Variants in GRID2 observed in about 807,000 individuals in gnomAD.
GRID2 encodes glutamate ionotropic receptor delta type subunit 2, also known as glutamate receptor ionotropic, delta-2.
Under a neutral mutation model 114.8 loss-of-function variants are expected in GRID2, and 33 were observed. The observed-to-expected ratio is 0.29, with a 90% CI of 0.22 to 0.38. The LOEUF (loss-of-function observed/expected upper bound fraction) is 0.38, where lower values mean the gene tolerates loss of function less well. Among genes scored for constraint, GRID2 ranks in the 10% least tolerant of loss-of-function variants. The pLI, the probability that GRID2 is intolerant of heterozygous loss-of-function variation, is 1.00. For missense variants in GRID2, 1,184 were observed against 1,257.7 expected (o/e 0.94, Z 0.89); for synonymous variants, 505 against 449.9 (o/e 1.12, Z -1.55).
In GRID2 at chr4:93,383,881, T is replaced by A. The variant is rs115977367; in HGVS notation, c.1246-11726T>A. Among the ~76,000 whole-genome samples the A allele has an allele frequency of 8.0e-3, 1,215 of 152,252 alleles. 12 individuals carry two copies. Among genetic ancestry groups the A allele is most frequent in the African/African-American group, 0.028 (1,170 of 41,550 alleles). On this transcript the variant is annotated intron_variant, in intron 8 of 15. Coordinates refer to ENST00000282020, the MANE Select transcript of GRID2 (RefSeq NM_001510.4). ...ATTCATGCCACCAAATCATATGTCA[T>A]CACTTCTGCCACATTTTACTGGAGA... is the stretch of plus-strand genomic sequence containing the variant.
At chr4:92,967,343 C>T (rs896587057) in intron 2 of GRID2, among the ~76,000 whole-genome samples, 4 of 151,936 alleles carry the variant, frequency 2.6e-5, no homozygotes, top group African/African-American at 7.2e-5. Context: ...AAACACACTC[C>T]GATGCTTCAC....
chr4:93,693,117 A>G (rs1726711034), intron 14 of GRID2, among the ~76,000 whole-genome samples: 1 of 152,164 alleles, frequency 6.6e-6, no homozygotes, highest in Non-Finnish European at 1.5e-5. Context: ...TCTTTTATCT[A>G]TTTGCTAAAG....
rs573060170 is a variant in GRID2, at chr4:93,203,057, A to G, written c.736-4347A>G. 3.0e-4 allele frequency among the ~76,000 whole-genome samples: 46 copies of G among 152,192 alleles called. No homozygotes were observed. The South Asian group carries it at 8.9e-3, about 29-fold the overall frequency. ...TTACTGGATTTCCAAGGTCTAGGCT[A>G]TTGAATTCCATTTTATCTTTTTATT... On this transcript the variant is annotated intron_variant, in intron 4 of 15. Coordinates refer to ENST00000282020, the MANE Select transcript of GRID2 (RefSeq NM_001510.4).
intron 7 of GRID2, among the ~76,000 whole-genome samples, chr4:93,225,293 G>T (rs78724935): frequency 0.022 from 3,355 of 152,164 alleles, 129 homozygotes; most frequent in African/African-American, 0.076. Flanking sequence ...CACTGTCCAT[G>T]TGTTGCTTAT....
chr4:93,489,312 G>A (rs1015287495), intron 11 of GRID2, among the ~76,000 whole-genome samples: 14 of 151,912 alleles, frequency 9.2e-5, no homozygotes, highest in African/African-American at 3.4e-4. Flanking sequence ...AAATGCAAGG[G>A]CCCTGGGACA....
chr4:92,350,965 T>C (rs1463837883), intron 1 of GRID2, among the ~76,000 whole-genome samples: 1 of 151,870 alleles, frequency 6.6e-6, no homozygotes, highest in Non-Finnish European at 1.5e-5. Flanking sequence ...ACTTAGCATA[T>C]TATTTTCAAA....
At chr4:92,520,956 GCC>G (rs2149139642) in intron 1 of GRID2, among the ~76,000 whole-genome samples, 1 of 151,888 alleles carries the variant, frequency 6.6e-6, no homozygotes, top group African/African-American at 2.4e-5. Context: ...CTTCCATTTT[GCC>G]CTGAGCTGAG....
At chr4:93,583,277 A>C (rs1384220795) in intron 13 of GRID2, among the ~76,000 whole-genome samples, 1 of 152,204 alleles carries the variant, frequency 6.6e-6, no homozygotes, top group Non-Finnish European at 1.5e-5. Flanking sequence ...TTAACTCGCT[A>C]CAGGTATAAT....
chr4:93,763,334 T>G (rs1385627511), intron 14 of GRID2, among the ~76,000 whole-genome samples: 1 of 152,186 alleles, frequency 6.6e-6, no homozygotes, highest in African/African-American at 2.4e-5. Flanking sequence ...TTTTAAATCA[T>G]ATTGGGCTAA....
At chr4:92,951,657 CCAT>C (rs1300091189) in intron 2 of GRID2, among the ~76,000 whole-genome samples, 2 of 152,072 alleles carry the variant, frequency 1.3e-5, no homozygotes, top group Non-Finnish European at 2.9e-5. Flanking sequence ...GGTAATACCA[CCAT>C]AAGTTCAAAT....
chr4:93,039,461 G>A (rs748868971), intron 2 of GRID2, among the ~76,000 whole-genome samples: 37 of 151,836 alleles, frequency 2.4e-4, no homozygotes, highest in Admixed American at 1.0e-3. Context: ...AGAACTTAAA[G>A]TATAATTATA....
chr4:93,492,341 G>C (rs1045166196), intron 12 of GRID2, among the ~76,000 whole-genome samples: 2 of 151,792 alleles, frequency 1.3e-5, no homozygotes, highest in Admixed American at 6.6e-5. Flanking sequence ...AAAGTTGAGA[G>C]GATAAGTAAC....
intron 11 of GRID2, among the ~76,000 whole-genome samples, chr4:93,471,393 C>A (rs1358900416): frequency 6.6e-6 from 1 of 152,054 alleles, no homozygotes; most frequent in African/African-American, 2.4e-5. Flanking sequence ...GTTTTTATCC[C>A]TCAGTTTTTA....
intron 2 of GRID2, among the ~76,000 whole-genome samples, chr4:93,018,017 G>A (rs1381882806): frequency 5.3e-5 from 8 of 149,792 alleles, no homozygotes; most frequent in African/African-American, 1.2e-4. Context: ...ATCTAATTAC[G>A]TAACAGGAAG....
intron 1 of GRID2, among the ~76,000 whole-genome samples, chr4:92,387,619 T>C (rs1730028545): frequency 6.6e-6 from 1 of 151,964 alleles, no homozygotes; most frequent in Non-Finnish European, 1.5e-5. Context: ...AAGAATGTAC[T>C]TGATGGAGAC....
intron 4 of GRID2, among the ~76,000 whole-genome samples, chr4:93,182,508 TTAATA>T (rs1322625605): frequency 2.6e-5 from 4 of 152,196 alleles, no homozygotes; most frequent in African/African-American, 9.6e-5. Context: ...CAACTCCTAA[TTAATA>T]TTAGATTTAA....
chr4:93,595,012 T>G (rs1307307971), intron 13 of GRID2, among the ~76,000 whole-genome samples: 1 of 152,212 alleles, frequency 6.6e-6, no homozygotes, highest in Non-Finnish European at 1.5e-5. Flanking sequence ...ATCACCCATC[T>G]TCTGCATCGC....
chr4:92,901,839 G>T (rs1006104744), intron 2 of GRID2, among the ~76,000 whole-genome samples: 2 of 151,940 alleles, frequency 1.3e-5, no homozygotes, highest in Non-Finnish European at 2.9e-5. Flanking sequence ...GTGTGTGTGT[G>T]TGTGTCCTTG....
chr4:93,651,270 A>C (rs1173804631), intron 14 of GRID2, among the ~76,000 whole-genome samples: 2 of 152,166 alleles, frequency 1.3e-5, no homozygotes, highest in Non-Finnish European at 2.9e-5. Context: ...CTTTCCACCA[A>C]AGATGACCTT....
Sources: allele counts gnomAD v4.1 joint callset (sites outside exome capture counted in the v4.1 genomes callset), GRCh38; gene constraint gnomAD v4.1.1; transcripts MANE v1.5; gene names NCBI Gene and HGNC (gene_info 2026-07-23, HGNC 2026-07-21).